The following MFSD6 variants were observed in gnomAD, a reference collection of about 807,000 sequenced individuals.
MFSD6 encodes major facilitator superfamily domain-containing protein 6.
Under a neutral mutation model 56.3 loss-of-function variants are expected in MFSD6, and 26 were observed. The observed-to-expected ratio is 0.46, with a 90% confidence interval of 0.34 to 0.64. MFSD6 has a LOEUF of 0.64. MFSD6 is among the 30% of genes least tolerant of loss of function. The pLI, the probability that MFSD6 is intolerant of heterozygous loss-of-function variation, is 0.01. For missense variants in MFSD6, 750 were observed against 986.2 expected (o/e 0.76, Z 3.21); for synonymous variants, 331 against 366.9 (o/e 0.90, Z 1.12).
At position 190,471,526 on chromosome 2, in the gene MFSD6, G is replaced by A. The variant is rs368098607; in HGVS notation, c.1630+1671G>A. On this transcript the variant is annotated intron_variant, in intron 4 of 7. Coordinates refer to ENST00000392328, the MANE Select transcript of MFSD6 (RefSeq NM_017694.4). This position sits in a 1 kb window ranked among gnomAD's most constrained non-coding sequence, Gnocchi z 4.7. ...GCAGTCTGAGATCAAACTGCAAGGC[G>A]GCAGTGAGGCTGGGGGAGGGGCACC... Among the ~76,000 whole-genome samples, 45 of 152,312 alleles carry A rather than the reference G, an allele frequency of 3.0e-4. No individual in the cohort carries two copies. The highest frequency in any genetic ancestry group is 5.6e-4 in the Non-Finnish European group (38 of 68,026).
Position 190,492,865 on chromosome 2 carries a change from A to T in MFSD6, c.1891+2999A>T, listed in dbSNP as rs867442015. On this transcript the variant is annotated intron_variant, in intron 6 of 7. Transcript: ENST00000392328. This position sits in a 1 kb window ranked among gnomAD's most constrained non-coding sequence, Gnocchi z 5.2. ...CTCACCACCAAGCCAGCACTACAAG[A>T]GCTGAAAGGAGCTCTAAATCTTGAA... Among the ~76,000 whole-genome samples, 77 of 152,172 alleles carry T rather than the reference A, an allele frequency of 5.1e-4. No homozygotes were observed. The highest frequency in any genetic ancestry group is 1.2e-3 in the Admixed American group (18 of 15,268).
In MFSD6 at chr2:190,500,031, G is replaced by A; in HGVS notation, c.2189G>A (p.Arg730Lys). The change falls in exon 8 of 8, where the codon AGG becomes AAG. Residue 730 changes from arginine to lysine, a missense_variant. Physicochemically the swap from Arg to Lys is conservative, Grantham distance 26. Around this residue, in one of 5 missense-constraint regions of MFSD6, gnomAD observed 172 missense variants for 203.9 expected, o/e 0.84. Coordinates refer to ENST00000392328, the MANE Select transcript of MFSD6 (RefSeq NM_017694.4). The surrounding 1 kb of genome is among the most constrained non-coding windows in gnomAD (Gnocchi z 5.3). ...TACCTCCAGGGGACCAATGAGAATAGGGAAAATTCTCCTGCTGGTAGAGCC... is the reference window on the plus strand; with the variant it reads ...TACCTCCAGGGGACCAATGAGAATAAGGAAAATTCTCCTGCTGGTAGAGCC... Reference protein sequence around the residue: ...IQPLQGTNENRENSPAGRAQP... With the variant: ...IQPLQGTNENKENSPAGRAQP... The A allele has an allele frequency of 6.2e-7, 1 of 1,614,204 alleles. No homozygotes were observed. Among genetic ancestry groups the A allele is most frequent in the South Asian group, 1.1e-5 (1 of 91,080 alleles).
At position 190,436,767 on chromosome 2, in the gene MFSD6, A is replaced by G. The variant is rs1348911591; in HGVS notation, c.738A>G (p.Thr246=). Residue 246 remains threonine (T), a synonymous_variant, in exon 3 of 8, where the codon ACA becomes ACG. Coordinates refer to ENST00000392328, the MANE Select transcript of MFSD6 (RefSeq NM_017694.4). The surrounding 1 kb of genome is among the most constrained non-coding windows in gnomAD (Gnocchi z 5.3). ...TGGACTTGACTTTGAACTCAAGCACAGCAACCCCTGTCTCCCCAGGAAGCG... is the reference window on the plus strand; with the variant it reads ...TGGACTTGACTTTGAACTCAAGCACGGCAACCCCTGTCTCCCCAGGAAGCG... ...RMMDLTLNSS[T]ATPVSPGSVT... 6.2e-7 allele frequency: 1 copy of G among 1,614,212 alleles called. No homozygotes were observed. Among genetic ancestry groups the G allele is most frequent in the Non-Finnish European group, 8.5e-7 (1 of 1,180,036 alleles).
Position 190,499,161 on chromosome 2 carries a change from C to G in MFSD6, c.2173-854C>G, listed in dbSNP as rs1422231379. Among the ~76,000 whole-genome samples the G allele has an allele frequency of 6.6e-6, 1 of 151,798 alleles. No individual in the cohort carries two copies. Among genetic ancestry groups the G allele is most frequent in the Non-Finnish European group, 1.5e-5 (1 of 68,000 alleles). On this transcript the variant is annotated intron_variant, in intron 7 of 7. Transcript: ENST00000392328. The surrounding 1 kb of genome is among the most constrained non-coding windows in gnomAD (Gnocchi z 6.0). ...AGACTCCGTCTCAAAATTATAATAA[C>G]AATAATAAATAAATAAATAAAATGT...
Position 190,437,814 on chromosome 2 carries a change from A to G in MFSD6, c.1532+253A>G, listed in dbSNP as rs1686230107. On this transcript the variant is annotated intron_variant, in intron 3 of 7. Coordinates refer to ENST00000392328, the MANE Select transcript of MFSD6 (RefSeq NM_017694.4). This position sits in a 1 kb window ranked among gnomAD's most constrained non-coding sequence, Gnocchi z 5.9. ...CTCCCACCCCACAGAAAAGACCTAT[A>G]GGCTACCTAGCTGTGTGCTAAGAGA... is the stretch of plus-strand genomic sequence containing the variant. Among the ~76,000 whole-genome samples, 1 of 152,204 alleles carries G rather than the reference A, an allele frequency of 6.6e-6. No homozygotes were observed. Among genetic ancestry groups the G allele is most frequent in the South Asian group, 2.1e-4 (1 of 4,828 alleles).
At chr2:190,478,001 A>G (rs551229150) in intron 4 of MFSD6, among the ~76,000 whole-genome samples, 1 of 152,230 alleles carries the variant, frequency 6.6e-6, no homozygotes, top group East Asian at 1.9e-4. Context: ...CTCTTCAGGG[A>G]GCATAAGTGG....
At chr2:190,483,695 C>T (rs886907435) in intron 4 of MFSD6, among the ~76,000 whole-genome samples, 2 of 151,910 alleles carry the variant, frequency 1.3e-5, no homozygotes, top group Admixed American at 6.6e-5. Context: ...ATTAGCTGGG[C>T]GTGGTGGCAC....
In MFSD6 at chr2:190,456,922, T is replaced by C. The variant is rs1687068413; in HGVS notation, c.1533-12836T>C. Among the ~76,000 whole-genome samples the C allele has an allele frequency of 6.6e-6, 1 of 152,210 alleles. No individual in the cohort carries two copies. The highest frequency in any genetic ancestry group is 2.1e-4 in the South Asian group (1 of 4,826). ...AACTGTTGAGTGGCATTTGCTTTTC[T>C]ACTTTCCTCTTACCCCAGTCTTCCC... On this transcript the variant is annotated intron_variant, in intron 3 of 7. Coordinates refer to ENST00000392328, the MANE Select transcript of MFSD6 (RefSeq NM_017694.4). This position sits in a 1 kb window ranked among gnomAD's most constrained non-coding sequence, Gnocchi z 5.4.
Position 190,463,905 on chromosome 2 carries a change from A to T in MFSD6, c.1533-5853A>T, listed in dbSNP as rs1687462941. 1 of 984,340 alleles carries T rather than the reference A, an allele frequency of 1.0e-6. No individual in the cohort carries two copies. The highest frequency in any genetic ancestry group is 1.7e-5 in the African/African-American group (1 of 57,196). The allele number at this position is 984,340 out of a possible 1,614,324, so 61.0% of individuals were successfully genotyped here. A position where few individuals can be genotyped will look rare whatever the true frequency, so the allele number is the denominator to read the frequency against. On this transcript the variant is annotated intron_variant, in intron 3 of 7. Transcript: ENST00000392328. The surrounding 1 kb of genome is among the most constrained non-coding windows in gnomAD (Gnocchi z 4.4). The stretch of plus-strand genomic sequence containing the variant: ...GGGCGCACCATATACTGTCTACCAT[A>T]CAGAAAACGTAATCCAGTTTATATA...
At chr2:190,408,133 G>A (rs1690377379), upstream of MFSD6, among the ~76,000 whole-genome samples, 1 of 151,874 alleles carries the variant, frequency 6.6e-6, no homozygotes, top group African/African-American at 2.4e-5. Context: ...CGCAGGAGGC[G>A]GAGCGCTGCA....
rs1471782843 is a variant in MFSD6, at chr2:190,437,399, T to C, written c.1370T>C (p.Met457Thr). The C allele has an allele frequency of 1.2e-6, 2 of 1,614,244 alleles. No individual in the cohort carries two copies. The highest frequency in any genetic ancestry group is 1.7e-5 in the Admixed American group (1 of 60,038). ...YGSVLFVAWFMGFGYGFVFTF... is the reference protein window; with the variant it reads ...YGSVLFVAWFTGFGYGFVFTF... ...TCAGTGCTGTTTGTGGCTTGGTTCA[T>C]GGGTTTTGGATATGGCTTCGTGTTC... is the stretch of plus-strand genomic sequence containing the variant. Residue 457 changes from methionine (M) to threonine (T), a missense_variant, in exon 3 of 8, where the codon ATG becomes ACG. Met to Thr is a moderately conservative substitution (Grantham distance 81). Around this residue, in one of 5 missense-constraint regions of MFSD6, gnomAD observed 125 missense variants for 223.1 expected, o/e 0.56. Coordinates refer to ENST00000392328, the MANE Select transcript of MFSD6 (RefSeq NM_017694.4). This position sits in a 1 kb window ranked among gnomAD's most constrained non-coding sequence, Gnocchi z 5.9.
At chr2:190,468,764 T>C (rs1687746540) in intron 3 of MFSD6, among the ~76,000 whole-genome samples, 1 of 152,006 alleles carries the variant, frequency 6.6e-6, no homozygotes, top group South Asian at 2.1e-4. Flanking sequence ...CAGTCAGGAA[T>C]GATTTTAACA....
rs1250173492 is a variant in MFSD6, at chr2:190,495,688, A to G, written c.1892-1751A>G. Among the ~76,000 whole-genome samples the G allele has an allele frequency of 6.6e-6, 1 of 152,072 alleles. No homozygotes were observed. Among genetic ancestry groups the G allele is most frequent in the Non-Finnish European group, 1.5e-5 (1 of 67,952 alleles). ...AAACAGAATAGAAAACCCATAAATA[A>G]AGCCAAATACAGCCAACTGATATTT... On this transcript the variant is annotated intron_variant, in intron 6 of 7. Coordinates refer to ENST00000392328, the MANE Select transcript of MFSD6 (RefSeq NM_017694.4). The surrounding 1 kb of genome is among the most constrained non-coding windows in gnomAD (Gnocchi z 4.7).
In MFSD6 at chr2:190,451,248, A is replaced by G. The variant is rs542579255; in HGVS notation, c.1532+13687A>G. On this transcript the variant is annotated intron_variant, in intron 3 of 7. Transcript: ENST00000392328. This position sits in a 1 kb window ranked among gnomAD's most constrained non-coding sequence, Gnocchi z 5.0. ...ATAAGTCAGTAATTTTAGCTTTGTT[A>G]AGCCTCAGGTTCCTCATTGGTAAAA... is the stretch of plus-strand genomic sequence containing the variant. Among the ~76,000 whole-genome samples, 9 of 152,328 alleles carry G rather than the reference A, an allele frequency of 5.9e-5. No individual in the cohort carries two copies. The highest frequency in any genetic ancestry group is 5.2e-4 in the Admixed American group (8 of 15,296).
At position 190,445,168 on chromosome 2, in the gene MFSD6, T is replaced by C. The variant is rs140043964; in HGVS notation, c.1532+7607T>C. Among the ~76,000 whole-genome samples, 75 of 152,280 alleles carry C rather than the reference T, an allele frequency of 4.9e-4. 1 individual carries two copies. The South Asian group carries it at 0.013, about 26-fold the overall frequency. ...GCTGAGTCTCAGTTTTATTCATCTGTAAATCTGGGGATACTTATCTCATAT... is the reference window on the plus strand; with the variant it reads ...GCTGAGTCTCAGTTTTATTCATCTGCAAATCTGGGGATACTTATCTCATAT... On this transcript the variant is annotated intron_variant, in intron 3 of 7. Transcript: ENST00000392328.
intron 3 of MFSD6, among the ~76,000 whole-genome samples, chr2:190,440,782 A>G (rs1322546167): frequency 2.0e-5 from 3 of 152,226 alleles, no homozygotes; most frequent in Non-Finnish European, 4.4e-5. Context: ...ATTACCTATT[A>G]TTAGCCATCA....
rs1292820205 is a variant in MFSD6, at chr2:190,451,158, T to C, written c.1532+13597T>C. Reference sequence around the variant, plus strand: ...TTTGCCTATAAAAAGTGTATGTGTGTGTATATGTACATGTGTGCATTTGAT... The same window carrying C: ...TTTGCCTATAAAAAGTGTATGTGTGCGTATATGTACATGTGTGCATTTGAT... On this transcript the variant is annotated intron_variant, in intron 3 of 7. Coordinates refer to ENST00000392328, the MANE Select transcript of MFSD6 (RefSeq NM_017694.4). The surrounding 1 kb of genome is among the most constrained non-coding windows in gnomAD (Gnocchi z 5.0). 6.6e-6 allele frequency among the ~76,000 whole-genome samples: 1 copy of C among 152,222 alleles called. No individual in the cohort carries two copies. The highest frequency in any genetic ancestry group is 6.5e-5 in the Admixed American group (1 of 15,280).
At position 190,412,911 on chromosome 2, in the gene MFSD6, T is replaced by C. The variant is rs1269325684; in HGVS notation, c.-175-2381T>C. Among the ~76,000 whole-genome samples the C allele has an allele frequency of 6.6e-6, 1 of 152,234 alleles. No homozygotes were observed. The highest frequency in any genetic ancestry group is 2.4e-5 in the African/African-American group (1 of 41,468). On this transcript the variant is annotated intron_variant, in intron 1 of 7. Coordinates refer to ENST00000392328, the MANE Select transcript of MFSD6 (RefSeq NM_017694.4). The surrounding 1 kb of genome is among the most constrained non-coding windows in gnomAD (Gnocchi z 4.1). ...AGTTGGCTGGGCAACTTTTGGAATC[T>C]ACCAGTCATTTGTTCAGACAAGTGA...
Position 190,443,308 on chromosome 2 carries a change from T to A in MFSD6, c.1532+5747T>A, listed in dbSNP as rs1449035471. ...TGGCCTTGGACAAGTTACAGAACTT[T>A]TTGCATCTCTGTATTGTTATCTATA... On this transcript the variant is annotated intron_variant, in intron 3 of 7. Transcript: ENST00000392328. This position sits in a 1 kb window ranked among gnomAD's most constrained non-coding sequence, Gnocchi z 4.2. Among the ~76,000 whole-genome samples, 1 of 152,210 alleles carries A rather than the reference T, an allele frequency of 6.6e-6. No homozygotes were observed. Among genetic ancestry groups the A allele is most frequent in the Non-Finnish European group, 1.5e-5 (1 of 68,042 alleles).
Sources: gnomAD v4.1 joint callset for allele counts (sites outside exome capture counted in the v4.1 genomes callset) on GRCh38, gnomAD v4.1.1 for gene constraint, gnomAD v4.1.1 regional missense constraint, Gnocchi (gnomAD v3.1) non-coding constraint, MANE v1.5 for transcripts, NCBI Gene and HGNC (gene_info 2026-07-23, HGNC 2026-07-21) for gene names.